The following DGUOK variants were observed in gnomAD, a reference collection of about 807,000 sequenced individuals.
The protein encoded by DGUOK is deoxyguanosine kinase, mitochondrial.
In DGUOK, 30 loss-of-function variants were observed where a neutral mutation model predicts 36.6. The observed-to-expected ratio is 0.82, with a 90% confidence interval of 0.61 to 1.11. The LOEUF (loss-of-function observed/expected upper bound fraction) is 1.11. DGUOK is among the 50% of genes most tolerant of loss of function. The pLI, the probability that DGUOK is intolerant of heterozygous loss-of-function variation, is 0.00. For missense variants in DGUOK, 361 were observed against 336.4 expected (o/e 1.07, Z -0.57); for synonymous variants, 145 against 126.3 (o/e 1.15, Z -0.99).
At chr2:73,941,268 G>A (rs1681884851) in intron 2 of DGUOK, among the ~76,000 whole-genome samples, 1 of 152,142 alleles carries the variant, frequency 6.6e-6, no homozygotes. Context: ...CCAACATCTT[G>A]ACTGAAACTT....
At chr2:73,927,127 C>G in intron 1 of DGUOK, 75 bp downstream of exon 1, 1 of 1,589,580 alleles carries the variant, frequency 6.3e-7, no homozygotes, top group Non-Finnish European at 8.5e-7. Flanking sequence ...GGAGCTGGGC[C>G]CGGAATGGCC....
At chr2:73,932,741 C>T (rs991365798) in intron 1 of DGUOK, 6 of 965,390 alleles carry the variant, frequency 6.2e-6, no homozygotes, top group African/African-American at 1.7e-5. Flanking sequence ...TATTCTGATC[C>T]TGAAGGTGCA....
In DGUOK at chr2:73,958,848, ACT is replaced by A. The variant is rs1683333583; in HGVS notation, c.*115_*116del. The A allele has an allele frequency of 1.1e-6, 1 of 888,268 alleles. No individual in the cohort carries two copies. Among genetic ancestry groups the A allele is most frequent in the East Asian group, 2.4e-5 (1 of 41,242 alleles). The allele number at this position is 888,268 out of a possible 1,614,324, so 55.0% of individuals were successfully genotyped here. ...CCCCAGCCCCTCTCATCCCTGGAGC[ACT>A]CTGCCGCTCAAGAGCTGGTTTGTTA... On this transcript the variant is annotated 3_prime_UTR_variant, in exon 7 of 7. Coordinates refer to ENST00000264093, the MANE Select transcript of DGUOK (RefSeq NM_080916.3).
chr2:73,939,136 T>TA (rs1234687182), intron 2 of DGUOK, 114 bp downstream of exon 2: 1 of 733,304 alleles, frequency 1.4e-6, no homozygotes, highest in Non-Finnish European at 2.5e-6. Flanking sequence ...CTTTTTAAAA[T>TA]AGCTTCATTC....
intron 2 of DGUOK, among the ~76,000 whole-genome samples, chr2:73,939,946 G>T (rs1192639959): frequency 6.8e-6 from 1 of 146,310 alleles, no homozygotes; most frequent in Non-Finnish European, 1.5e-5. Flanking sequence ...CTGTCACCCA[G>T]GCTGGGGTGC....
intron 1 of DGUOK, among the ~76,000 whole-genome samples, chr2:73,931,035 A>G (rs755270235): frequency 6.6e-6 from 1 of 151,938 alleles, no homozygotes; most frequent in African/African-American, 2.4e-5. Context: ...TGACCTCGTG[A>G]TCCGCCAGCT....
At chr2:73,958,331 A>T (rs1269073312) in intron 6 of DGUOK, 86 bp downstream of exon 6, 1 of 1,031,054 alleles carries the variant, frequency 9.7e-7, no homozygotes, top group Non-Finnish European at 1.5e-6. Flanking sequence ...GTTCAATATC[A>T]TGGGTCTTGT....
chr2:73,944,024 A>G (rs576213442), intron 2 of DGUOK, among the ~76,000 whole-genome samples: 57 of 152,268 alleles, frequency 3.7e-4, no homozygotes, highest in African/African-American at 1.2e-3. Flanking sequence ...GCTGGAATGC[A>G]GTGGCCCTAT....
At chr2:73,929,268 G>A (rs1232824991) in intron 1 of DGUOK, among the ~76,000 whole-genome samples, 4 of 152,254 alleles carry the variant, frequency 2.6e-5, no homozygotes, top group East Asian at 3.9e-4. Context: ...GCCACTATGC[G>A]TGGCTAATTT....
intron 4 of DGUOK, among the ~76,000 whole-genome samples, chr2:73,952,716 A>T (rs1682783127): frequency 6.6e-6 from 1 of 152,070 alleles, no homozygotes; most frequent in Non-Finnish European, 1.5e-5. Flanking sequence ...GTGAGAGAGG[A>T]AGTGGGCTGA....
At chr2:73,939,139 C>A in intron 2 of DGUOK, 117 bp downstream of exon 2, 1 of 728,408 alleles carries the variant, frequency 1.4e-6, no homozygotes, top group Non-Finnish European at 2.5e-6. Context: ...TTTAAAATAG[C>A]TTCATTCCAG....
chr2:73,953,998 A>G (rs1164791541), intron 4 of DGUOK, among the ~76,000 whole-genome samples: 1 of 151,752 alleles, frequency 6.6e-6, no homozygotes, highest in African/African-American at 2.4e-5. Flanking sequence ...GATTACAGGC[A>G]TGAGCCACCG....
In DGUOK at chr2:73,958,190, A is replaced by G; in HGVS notation, c.752A>G (p.Asp251Gly). The stretch of plus-strand genomic sequence containing the variant: ...ATGAACATTCCAGTGCTGGTGTTGG[A>G]TGTCAATGATGATTTTTCTGAGGAA... ...ALMNIPVLVL[D>G]VNDDFSEEVT... The change falls in exon 6 of 7, where the codon GAT (aspartate) becomes GGT (glycine). Residue 251 changes from aspartate to glycine, a missense_variant. Physicochemically the swap from Asp to Gly is moderately conservative, Grantham distance 94. Coordinates refer to ENST00000264093, the MANE Select transcript of DGUOK (RefSeq NM_080916.3). 1.2e-6 allele frequency: 2 copies of G among 1,613,828 alleles called. No individual in the cohort carries two copies. The highest frequency in any genetic ancestry group is 1.7e-6 in the Non-Finnish European group (2 of 1,179,858).
At chr2:73,957,069 C>A in intron 4 of DGUOK, 56 bp from the exon 5 acceptor site, 2 of 1,291,350 alleles carry the variant, frequency 1.5e-6, no homozygotes, top group South Asian at 1.2e-5. Context: ...CCGAAGACTG[C>A]ATTGTAGCAG....
At chr2:73,949,291 A>G (rs1486453827) in intron 3 of DGUOK, among the ~76,000 whole-genome samples, 2 of 152,186 alleles carry the variant, frequency 1.3e-5, no homozygotes, top group Non-Finnish European at 2.9e-5. Context: ...GTTATCTGTA[A>G]AGAACTCAAA....
At chr2:73,931,266 G>T (rs1197720876) in intron 1 of DGUOK, among the ~76,000 whole-genome samples, 1 of 151,660 alleles carries the variant, frequency 6.6e-6, no homozygotes, top group African/African-American at 2.4e-5. Flanking sequence ...GTTTTTTGGG[G>T]GTTTTTTTGT....
At chr2:73,933,957 T>C (rs1321690006) in intron 1 of DGUOK, among the ~76,000 whole-genome samples, 6 of 152,250 alleles carry the variant, frequency 3.9e-5, no homozygotes, top group Admixed American at 1.3e-4. Context: ...GACAGTTTTA[T>C]ATGTTCTGAC....
At chr2:73,946,573 T>C in intron 2 of DGUOK, 146 bp from the exon 3 acceptor site, 1 of 774,796 alleles carries the variant, frequency 1.3e-6, no homozygotes, top group South Asian at 1.5e-5. Context: ...TGATTCTACC[T>C]TTTTGGTGGA....
chr2:73,954,201 C>T (rs1163434421), intron 4 of DGUOK, among the ~76,000 whole-genome samples: 2 of 151,988 alleles, frequency 1.3e-5, no homozygotes, highest in Non-Finnish European at 2.9e-5. Flanking sequence ...TAAAAATTAG[C>T]CAAGCATGGT....
Sources: gnomAD v4.1 joint callset for allele counts (sites outside exome capture counted in the v4.1 genomes callset) on GRCh38, gnomAD v4.1.1 for gene constraint, MANE v1.5 for transcripts, NCBI Gene and HGNC (gene_info 2026-07-23, HGNC 2026-07-21) for gene names.